Variants in AQP9 observed in about 807,000 individuals in gnomAD.
The protein encoded by AQP9 is aquaporin-9.
In AQP9, 19 loss-of-function variants were observed where a neutral mutation model predicts 23.8. The ratio of observed to expected loss-of-function variants is 0.80; its 90% confidence interval spans 0.56 to 1.17. The LOEUF is 1.17. AQP9 is among the 50% of genes most tolerant of loss of function. AQP9 has a pLI of 0.00. For synonymous variants in AQP9, 153 were observed against 131.5 expected, an observed-to-expected ratio of 1.16 and a Z score of -1.12; for missense variants, 413 against 362.0, an observed-to-expected ratio of 1.14 and a Z score of -1.14.
chr15:58,149,124 C>T (rs1208109382), intron 1 of AQP9, among the ~76,000 whole-genome samples: 1 of 152,166 alleles, frequency 6.6e-6, no homozygotes, highest in East Asian at 1.9e-4. Flanking sequence ...GTGCATAAAT[C>T]TGTACTCTGT....
At chr15:58,169,846 T>A (rs922920825) in intron 2 of AQP9, among the ~76,000 whole-genome samples, 1 of 152,198 alleles carries the variant, frequency 6.6e-6, no homozygotes, top group African/African-American at 2.4e-5. Context: ...TAGTATTTTA[T>A]GACTAAAATA....
At chr15:58,152,432 A>G (rs1291010635) in intron 1 of AQP9, 1 of 152,174 alleles carries the variant, frequency 6.6e-6, no homozygotes, top group Non-Finnish European at 1.5e-5. Flanking sequence ...ACACAAGAAA[A>G]TACATTAATA....
At chr15:58,141,384 C>T (rs1410034721) in intron 1 of AQP9, among the ~76,000 whole-genome samples, 2 of 152,182 alleles carry the variant, frequency 1.3e-5, no homozygotes, top group African/African-American at 2.4e-5. Context: ...AGATAACATA[C>T]TGTGTAGTCG....
intron 1 of AQP9, among the ~76,000 whole-genome samples, chr15:58,157,587 C>T (rs1224253281): frequency 2.6e-5 from 4 of 152,150 alleles, no homozygotes; most frequent in Non-Finnish European, 5.9e-5. Flanking sequence ...TAGGCCCATA[C>T]TCACTTCCAG....
At chr15:58,141,195 T>C (rs113731994) in intron 1 of AQP9, among the ~76,000 whole-genome samples, 14 of 152,326 alleles carry the variant, frequency 9.2e-5, no homozygotes, top group African/African-American at 3.4e-4. Context: ...TGTCTAGTCA[T>C]TTCTCACAGG....
At chr15:58,139,027 C>T (rs1332113746) in intron 1 of AQP9, among the ~76,000 whole-genome samples, 1 of 152,148 alleles carries the variant, frequency 6.6e-6, no homozygotes, top group African/African-American at 2.4e-5. Flanking sequence ...CTGCTTGCTT[C>T]CTCCAAGCAT....
rs534017372 is a variant in AQP9, at chr15:58,140,380, A to ATTGTCTG, written c.111+1708_111+1714dup. Among the ~76,000 whole-genome samples, 16 of 152,284 alleles carry ATTGTCTG rather than the reference A, an allele frequency of 1.1e-4. No individual in the cohort carries two copies. In the South Asian group the frequency reaches 3.3e-3, roughly 32 times the overall value. On this transcript the variant is annotated intron_variant, in intron 1 of 5. Transcript: ENST00000219919. ...GGGGCTAAATAAAGAACATCTTGATATTGTCTGTTGAAAAATTAAAACTTG... is the reference window on the plus strand; with the variant it reads ...GGGGCTAAATAAAGAACATCTTGATATTGTCTGTTGTCTGTTGAAAAATTAAAACTTG...
At chr15:58,168,294 G>T (rs1047098854) in intron 2 of AQP9, among the ~76,000 whole-genome samples, 1 of 151,820 alleles carries the variant, frequency 6.6e-6, no homozygotes, top group Non-Finnish European at 1.5e-5. Flanking sequence ...GCCTCCCAAA[G>T]TGCTAGGATT....
intron 5 of AQP9, among the ~76,000 whole-genome samples, chr15:58,183,176 G>A (rs1291966553): frequency 1.3e-5 from 2 of 152,046 alleles, no homozygotes; most frequent in Non-Finnish European, 2.9e-5. Context: ...CCATTCCCCT[G>A]CTTTTTAAAA....
intron 1 of AQP9, among the ~76,000 whole-genome samples, chr15:58,164,808 CTT>C (rs1367464131): frequency 2.4e-4 from 37 of 152,072 alleles, no homozygotes; most frequent in African/African-American, 8.2e-4. Context: ...TTGTTTGTAA[CTT>C]ATTCTCCTCT....
At chr15:58,183,914 A>G in intron 5 of AQP9, 47 bp from the exon 6 acceptor site, 4 of 1,599,370 alleles carry the variant, frequency 2.5e-6, no homozygotes, top group Non-Finnish European at 3.4e-6. Flanking sequence ...CAGTAATACC[A>G]GGAGGAAGGC....
At chr15:58,171,480 C>A (rs1285284714) in intron 2 of AQP9, among the ~76,000 whole-genome samples, 4 of 152,162 alleles carry the variant, frequency 2.6e-5, no homozygotes, top group Non-Finnish European at 5.9e-5. Flanking sequence ...CTTCCCACTG[C>A]CCTGTGTGCC....
intron 1 of AQP9, among the ~76,000 whole-genome samples, chr15:58,144,646 GTAT>G (rs1453158061): frequency 6.6e-6 from 1 of 152,064 alleles, no homozygotes; most frequent in Non-Finnish European, 1.5e-5. Flanking sequence ...TGGGAGTTAT[GTAT>G]TTCTTGAAGA....
Position 58,173,168 on chromosome 15 carries a change from C to T in AQP9, c.339C>T (p.Ala113=), listed in dbSNP as rs148529136. Residue 113 remains alanine (A), a synonymous_variant, in exon 3 of 6, where the codon GCC becomes GCT. Coordinates refer to ENST00000219919, the MANE Select transcript of AQP9 (RefSeq NM_020980.5). ...PFYVGAQFLG[A]FVGAATVFGI... ...ATGTGGGAGCCCAGTTCTTGGGAGC[C>T]TTTGTGGGGGCTGCAACCGTCTTTG... The T allele has an allele frequency of 1.4e-5, 23 of 1,614,034 alleles. No homozygotes were observed. The African/African-American group carries it at 2.7e-4, about 19-fold the overall frequency.
intron 2 of AQP9, among the ~76,000 whole-genome samples, chr15:58,171,927 A>G (rs11858796): frequency 0.21 from 31,231 of 152,098 alleles, 3,449 homozygotes; most frequent in Middle Eastern, 0.31. Context: ...CCACATCTCA[A>G]TGTGGTGTCT....
At chr15:58,160,047 T>C (rs1898341501) in intron 1 of AQP9, among the ~76,000 whole-genome samples, 1 of 152,242 alleles carries the variant, frequency 6.6e-6, no homozygotes, top group South Asian at 2.1e-4. Context: ...CTGAATCGTA[T>C]GGCAGTCCTG....
At chr15:58,165,849 A>C (rs1898489568) in intron 1 of AQP9, among the ~76,000 whole-genome samples, 1 of 152,236 alleles carries the variant, frequency 6.6e-6, no homozygotes, top group Non-Finnish European at 1.5e-5. Context: ...TACTATCAGC[A>C]CAGCACTGGG....
intron 3 of AQP9, among the ~76,000 whole-genome samples, chr15:58,173,683 A>G (rs1434427091): frequency 6.6e-6 from 1 of 152,176 alleles, no homozygotes; most frequent in African/African-American, 2.4e-5. Context: ...ACTCTGCAAC[A>G]GTCCTTGGGA....
upstream of AQP9, chr15:58,138,341 G>A (rs1379335802): frequency 2.0e-5 from 8 of 406,268 alleles, no homozygotes; most frequent in South Asian, 1.4e-4. Flanking sequence ...GTTCTAAGTC[G>A]CAGATTCAAA....
Sources: gnomAD v4.1 joint callset for allele counts (sites outside exome capture counted in the v4.1 genomes callset) on GRCh38, gnomAD v4.1.1 for gene constraint, MANE v1.5 for transcripts, NCBI Gene and HGNC (gene_info 2026-07-23, HGNC 2026-07-21) for gene names.